CPSF2: variants seen among roughly 807,000 people sequenced by gnomAD.
CPSF2 encodes the protein cleavage and polyadenylation specificity factor subunit 2.
In CPSF2, 51 loss-of-function variants were observed where a neutral mutation model predicts 84.2. The observed-to-expected ratio is 0.61, with a 90% CI of 0.48 to 0.77. The LOEUF (loss-of-function observed/expected upper bound fraction) is 0.77. CPSF2 is among the 30% of genes least tolerant of loss of function. The probability of loss-of-function intolerance (pLI) is 0.00; values close to 1 mark genes in which losing one functional copy is unlikely to be tolerated. For missense variants in CPSF2, 641 were observed against 929.4 expected, an observed-to-expected ratio of 0.69 and a Z score of 4.03; for synonymous variants, 286 against 311.9, an observed-to-expected ratio of 0.92 and a Z score of 0.87.
At position 92,162,082 on chromosome 14, in the gene CPSF2, A is replaced by G. The variant is rs2069381511; in HGVS notation, c.*338A>G. ...GCAAACCAATTTATGGCCTTAGAGA[A>G]ACATTTTTGCATGAGTTCTTACAAA... On this transcript the variant is annotated 3_prime_UTR_variant, in exon 16 of 16. Transcript: ENST00000298875. 1 of 164,296 alleles carries G rather than the reference A, an allele frequency of 6.1e-6. No individual in the cohort carries two copies. The highest frequency in any genetic ancestry group is 2.4e-5 in the African/African-American group (1 of 42,016). The allele number at this position is 164,296 out of a possible 1,614,324, so 10.2% of individuals were successfully genotyped here.
At chr14:92,151,389 C>T (rs2069213692) in intron 9 of CPSF2, among the ~76,000 whole-genome samples, 1 of 150,098 alleles carries the variant, frequency 6.7e-6, no homozygotes, top group Non-Finnish European at 1.5e-5. Context: ...GAGACCCTGT[C>T]TCAAAAACAA....
At chr14:92,144,009 C>T (rs1373662787) in intron 9 of CPSF2, among the ~76,000 whole-genome samples, 1 of 152,156 alleles carries the variant, frequency 6.6e-6, no homozygotes, top group Non-Finnish European at 1.5e-5. Context: ...ATTACTCTTT[C>T]TTTCAGTGTT....
At position 92,143,198 on chromosome 14, in the gene CPSF2, C is replaced by T. The variant is rs1350105809; in HGVS notation, c.1044C>T (p.Asp348=). 3 of 1,613,682 alleles carry T rather than the reference C, an allele frequency of 1.9e-6. No individual in the cohort carries two copies. The Admixed American group carries it at 5.0e-5, about 27-fold the overall frequency. Reference sequence around the variant, plus strand: ...ATCTCTTTATTCAGTGGTGTCAGGACCCTAAAAACTCAATCATTCTAACCT... The same window carrying T: ...ATCTCTTTATTCAGTGGTGTCAGGATCCTAAAAACTCAATCATTCTAACCT... ...SRDLFIQWCQ[D]PKNSIILTYR... is the part of the protein sequence containing the mutation. The change falls in exon 9 of 16, where the codon GAC becomes GAT. Residue 348 remains aspartate (D), a synonymous_variant. Transcript: ENST00000298875.
Position 92,131,079 on chromosome 14 carries a change from T to A in CPSF2, c.95T>A (p.Leu32Ter), listed in dbSNP as rs774724211. 6.2e-7 allele frequency: 1 copy of A among 1,613,280 alleles called. No individual in the cohort carries two copies. Among genetic ancestry groups the A allele is most frequent in the Non-Finnish European group, 8.5e-7 (1 of 1,179,582 alleles). Residue 32 changes from leucine (L) to a stop codon, truncating the protein, a stop_gained, in exon 3 of 16, where the codon TTG becomes TAG. Coordinates refer to ENST00000298875, the MANE Select transcript of CPSF2 (RefSeq NM_017437.3). LOFTEE classifies it high-confidence loss of function. ...LLQVDEFRFL[L>*]DCGWDEHFSM... ...CAAGTTGATGAGTTTAGATTTTTAT[T>A]GGACTGTGGCTGGGATGAGCACTTT...
chr14:92,156,380 A>G (rs938057255), intron 11 of CPSF2, 99 bp from the exon 12 acceptor site: 13 of 806,554 alleles, frequency 1.6e-5, no homozygotes, highest in Non-Finnish European at 2.1e-5. Context: ...AAATCTTGAG[A>G]TATGTGAGGA....
chr14:92,151,630 T>G (rs1357043300), intron 9 of CPSF2, among the ~76,000 whole-genome samples: 1 of 152,200 alleles, frequency 6.6e-6, no homozygotes, highest in Non-Finnish European at 1.5e-5. Context: ...CTGGATTTTC[T>G]TCATATACTT....
chr14:92,129,985 C>G (rs1217218479), intron 2 of CPSF2, among the ~76,000 whole-genome samples: 1 of 152,122 alleles, frequency 6.6e-6, no homozygotes, highest in Non-Finnish European at 1.5e-5. Flanking sequence ...TGAACTCTAG[C>G]AGTCTTCCTG....
chr14:92,132,753 C>T (rs1398548245), intron 3 of CPSF2, among the ~76,000 whole-genome samples: 1 of 147,598 alleles, frequency 6.8e-6, no homozygotes, highest in African/African-American at 2.5e-5. Flanking sequence ...GCTTGGGCAA[C>T]AAGAGTGAAA....
At chr14:92,124,581 G>T (rs2068822029) in intron 1 of CPSF2, among the ~76,000 whole-genome samples, 1 of 152,130 alleles carries the variant, frequency 6.6e-6, no homozygotes, top group African/African-American at 2.4e-5. Flanking sequence ...GCACTTTAGG[G>T]GTGACAACAT....
chr14:92,123,566 T>C (rs1413275026), intron 1 of CPSF2, among the ~76,000 whole-genome samples: 2 of 151,974 alleles, frequency 1.3e-5, no homozygotes, highest in Non-Finnish European at 2.9e-5. Flanking sequence ...CCCGGCTACT[T>C]TTTTGTGTTT....
At position 92,167,199 on chromosome 14, in the gene CPSF2, A is replaced by T. The variant is rs1041894669; in HGVS notation, c.*5455A>T. ...GCTAATTTTTGTATTTTTAATAGAG[A>T]TGAGGTTTCATCATGCTGACCAGGC... On this transcript the variant is annotated 3_prime_UTR_variant, in exon 16 of 16. Transcript: ENST00000298875. The T allele has an allele frequency of 6.6e-6, 1 of 151,558 alleles. No individual in the cohort carries two copies. The highest frequency in any genetic ancestry group is 1.5e-5 in the Non-Finnish European group (1 of 67,932). 9.4% of individuals were successfully genotyped at this position (151,558 alleles called of 1,614,324 possible).
In CPSF2 at chr14:92,155,202, TTGA is replaced by T. The variant is rs2069273149; in HGVS notation, c.1328_1330del (p.Met443del). 3 of 1,613,872 alleles carry T rather than the reference TTGA, an allele frequency of 1.9e-6. No individual in the cohort carries two copies. Among genetic ancestry groups the T allele is most frequent in the African/African-American group, 1.3e-5 (1 of 74,918 alleles). ...ATCAGCTCATAAGACGAAGCATGAC[TTGA>T]TGATGAAAGGTGAAGGCAGTCGTAA... On this transcript the variant is annotated inframe_deletion, in exon 11 of 16. Transcript: ENST00000298875.
intron 1 of CPSF2, among the ~76,000 whole-genome samples, chr14:92,123,117 A>AAC (rs1427133389): frequency 6.6e-6 from 1 of 152,058 alleles, no homozygotes; most frequent in Non-Finnish European, 1.5e-5. Flanking sequence ...AGTTGTCATC[A>AAC]ACATGCACGG....
chr14:92,162,617 C>G lies in CPSF2; in HGVS notation c.*873C>G, dbSNP rs1199184728. The stretch of plus-strand genomic sequence containing the variant: ...TTAAAAGGTGTAAATGTTTTCATCT[C>G]TTAGGCTTGCTGTCTCCTAAGGTCA... On this transcript the variant is annotated 3_prime_UTR_variant, in exon 16 of 16. Coordinates refer to ENST00000298875, the MANE Select transcript of CPSF2 (RefSeq NM_017437.3). The G allele has an allele frequency of 6.6e-6, 1 of 152,110 alleles. No homozygotes were observed. The highest frequency in any genetic ancestry group is 1.9e-4 in the East Asian group (1 of 5,192). 9.4% of individuals were successfully genotyped at this position (152,110 alleles called of 1,614,324 possible). A position where few individuals can be genotyped will look rare whatever the true frequency, so the allele number is the denominator to read the frequency against.
At chr14:92,136,393 C>T (rs552144541) in intron 6 of CPSF2, among the ~76,000 whole-genome samples, 1 of 152,284 alleles carries the variant, frequency 6.6e-6, no homozygotes, top group South Asian at 2.1e-4. Context: ...TATGAGTAAA[C>T]AGCAAACTGT....
At chr14:92,131,849 AAGAT>A (rs2068935938) in intron 3 of CPSF2, among the ~76,000 whole-genome samples, 4 of 147,922 alleles carry the variant, frequency 2.7e-5, no homozygotes, top group East Asian at 2.1e-4. Flanking sequence ...AAAAAAAAAT[AAGAT>A]AAAATAAAAA....
At position 92,167,982 on chromosome 14, in the gene CPSF2, C is replaced by G. The variant is rs907221006; in HGVS notation, c.*6238C>G. The G allele has an allele frequency of 6.6e-6, 1 of 150,516 alleles. No individual in the cohort carries two copies. Among genetic ancestry groups the G allele is most frequent in the African/African-American group, 2.5e-5 (1 of 40,770 alleles). 9.3% of individuals were successfully genotyped at this position (150,516 alleles called of 1,614,324 possible). ...GGAACTAAGGTCAGGCGTGGTGGCTCACACCTGTAATCCCAGCACTTTGGG... is the reference window on the plus strand; with the variant it reads ...GGAACTAAGGTCAGGCGTGGTGGCTGACACCTGTAATCCCAGCACTTTGGG... On this transcript the variant is annotated 3_prime_UTR_variant, in exon 16 of 16. Transcript: ENST00000298875.
intron 1 of CPSF2, among the ~76,000 whole-genome samples, chr14:92,125,301 A>G (rs372628208): frequency 2.0e-5 from 3 of 152,316 alleles, no homozygotes; most frequent in South Asian, 4.1e-4. Context: ...AACTGGTAAT[A>G]ATAGACTGTC....
At position 92,161,859 on chromosome 14, in the gene CPSF2, A is replaced by C. The variant is rs150035776; in HGVS notation, c.*115A>C. Reference sequence around the variant, plus strand: ...CATACAAAAAGAATCTGCCAGAAAAACTTACATGTATCAGATTTTTAAAAA... The same window carrying C: ...CATACAAAAAGAATCTGCCAGAAAACCTTACATGTATCAGATTTTTAAAAA... On this transcript the variant is annotated 3_prime_UTR_variant, in exon 16 of 16. Transcript: ENST00000298875. 4.9e-4 allele frequency: 298 copies of C among 610,834 alleles called. 2 individuals are homozygous for C. The African/African-American group carries it at 5.3e-3, about 11-fold the overall frequency. 37.8% of individuals were successfully genotyped at this position (610,834 alleles called of 1,614,324 possible).
Sources: gnomAD v4.1 joint callset for allele counts (sites outside exome capture counted in the v4.1 genomes callset) on GRCh38, gnomAD v4.1.1 for gene constraint, MANE v1.5 for transcripts, NCBI Gene and HGNC (gene_info 2026-07-23, HGNC 2026-07-21) for gene names.